The following SMC4 variants were observed in gnomAD, a reference collection of about 807,000 sequenced individuals.
SMC4 encodes structural maintenance of chromosomes 4, also known as structural maintenance of chromosomes protein 4.
SMC4 carries 87 observed loss-of-function variants against 145.6 expected under a neutral mutation model. That is an observed-to-expected ratio of 0.60 (90% confidence interval 0.50 to 0.71). SMC4 has a LOEUF of 0.71. SMC4 is among the 30% of genes least tolerant of loss of function. The probability of loss-of-function intolerance (pLI) is 0.00; values close to 1 mark genes in which losing one functional copy is unlikely to be tolerated. For missense variants in SMC4, 1,447 were observed against 1,537.1 expected, an observed-to-expected ratio of 0.94 and a Z score of 0.98; for synonymous variants, 558 against 500.7, an observed-to-expected ratio of 1.11 and a Z score of -1.53.
At chr3:160,416,596 T>G (rs2108476191) in intron 10 of SMC4, 181 bp downstream of exon 10, 1 of 368,542 alleles carries the variant, frequency 2.7e-6, no homozygotes, top group East Asian at 4.1e-5. Flanking sequence ...TGACATGTTT[T>G]TTAAAAAGTT....
chr3:160,431,403 C>A (rs1718391052), intron 20 of SMC4, among the ~76,000 whole-genome samples, 198 bp downstream of exon 20: 1 of 151,958 alleles, frequency 6.6e-6, no homozygotes, highest in Non-Finnish European at 1.5e-5. Flanking sequence ...GTCTGAGTAA[C>A]GATTAGAATT....
chr3:160,425,467 A>G (rs1048491968), intron 16 of SMC4, among the ~76,000 whole-genome samples: 1 of 152,166 alleles, frequency 6.6e-6, no homozygotes, highest in Non-Finnish European at 1.5e-5. Flanking sequence ...TGTGGTAGAT[A>G]TGTGTAGATA....
At chr3:160,430,811 T>A in intron 19 of SMC4, 68 bp downstream of exon 19, 1 of 1,514,584 alleles carries the variant, frequency 6.6e-7, no homozygotes, top group Non-Finnish European at 8.9e-7. Flanking sequence ...GCTGGATATA[T>A]GACAGTGCCT....
At chr3:160,425,137 G>A (rs2108493858) in intron 16 of SMC4, 118 bp downstream of exon 16, 1 of 1,362,330 alleles carries the variant, frequency 7.3e-7, no homozygotes. Context: ...AAGGGAGGGA[G>A]GATCTATAGG....
chr3:160,418,491 G>A (rs1357643140), intron 11 of SMC4, among the ~76,000 whole-genome samples: 1 of 151,998 alleles, frequency 6.6e-6, no homozygotes, highest in African/African-American at 2.4e-5. Context: ...AGTAGGCAAG[G>A]TGGCAATAAA....
chr3:160,420,712 C>T, intron 12 of SMC4, 28 bp from the exon 13 acceptor site: 4 of 1,603,894 alleles, frequency 2.5e-6, no homozygotes, highest in African/African-American at 1.3e-5. Context: ...CTGCCTAACT[C>T]TTTTTTCACC....
Position 160,401,961 on chromosome 3 carries a change from G to A in SMC4, c.186G>A (p.Leu62=), listed in dbSNP as rs1451645255. The A allele has an allele frequency of 3.1e-6, 5 of 1,600,012 alleles. No homozygotes were observed. The highest frequency in any genetic ancestry group is 1.7e-4 in the Middle Eastern group (1 of 5,972). ...ELDNRSLEEI[L]NSIPPPPPPA... ...ATAATAGAAGTTTAGAAGAGATTTT[G>A]AACAGCATTCCTCCTCCCCCGCCTC... is the stretch of plus-strand genomic sequence containing the variant. Residue 62 remains leucine, a synonymous_variant, in exon 3 of 24, where the codon TTG becomes TTA. Coordinates refer to ENST00000357388, the MANE Select transcript of SMC4 (RefSeq NM_001002800.3).
rs1339473752 is a variant in SMC4 at position 160,413,465 on chromosome 3, C to G, written c.981-8C>G. On this transcript the variant is annotated splice_polypyrimidine_tract_variant and splice_region_variant and intron_variant, in intron 7 of 23. Transcript: ENST00000357388. ...TTCAATTTCTTTTTTTTTTTTTCCT[C>G]CCTATAGTTATGAGTTGCAGAAACG... 1 of 1,557,924 alleles carries G rather than the reference C, an allele frequency of 6.4e-7. No individual in the cohort carries two copies. Among genetic ancestry groups the G allele is most frequent in the Non-Finnish European group, 8.6e-7 (1 of 1,161,698 alleles).
rs1718321117 is a variant in SMC4 at position 160,430,797 on chromosome 3, A to C, written c.2940+54A>C. On this transcript the variant is annotated intron_variant, in intron 19 of 23. Coordinates refer to ENST00000357388, the MANE Select transcript of SMC4 (RefSeq NM_001002800.3). Reference sequence around the variant, plus strand: ...ATGGGATGATACTGGAACCAATTTAAAGAGCTGGATATATGACAGTGCCTA... The same window carrying C: ...ATGGGATGATACTGGAACCAATTTACAGAGCTGGATATATGACAGTGCCTA... 3.2e-6 allele frequency: 5 copies of C among 1,559,398 alleles called. No homozygotes were observed. The African/African-American group carries it at 6.9e-5, about 21-fold the overall frequency.
chr3:160,410,553 C>T (rs1353853774), intron 5 of SMC4, among the ~76,000 whole-genome samples: 3 of 152,180 alleles, frequency 2.0e-5, no homozygotes, highest in Non-Finnish European at 2.9e-5. Context: ...TATACCGATT[C>T]ATACATAATA....
At chr3:160,420,085 T>G (rs532454385) in intron 12 of SMC4, among the ~76,000 whole-genome samples, 1 of 152,166 alleles carries the variant, frequency 6.6e-6, no homozygotes, top group Non-Finnish European at 1.5e-5. Context: ...GCTTCTTAGC[T>G]TCGAGGGAAG....
rs758823056 is a variant in SMC4, at chr3:160,400,834, G to A, written c.8G>A (p.Arg3His). Residue 3 changes from arginine (R) to histidine (H), a missense_variant, in exon 2 of 24, where the codon CGT becomes CAT. Arg to His is a conservative substitution (Grantham distance 29, BLOSUM62 0). Transcript: ENST00000357388. Reference protein sequence around the residue: MPRKGTQPSTARR... With the variant: MPHKGTQPSTARR... ...CCCCCGGCCCCAGCGACCATGCCCCGTAAAGGCACCCAGCCCTCCACTGCC... is the reference window on the plus strand; with the variant it reads ...CCCCCGGCCCCAGCGACCATGCCCCATAAAGGCACCCAGCCCTCCACTGCC... 5.9e-6 allele frequency: 9 copies of A among 1,536,858 alleles called. 1 individual carries two copies. The highest frequency in any genetic ancestry group is 3.7e-4 in the Middle Eastern group (2 of 5,452).
intron 5 of SMC4, among the ~76,000 whole-genome samples, chr3:160,406,528 T>G (rs904000722): frequency 2.0e-5 from 3 of 152,082 alleles, no homozygotes; most frequent in African/African-American, 7.2e-5. Flanking sequence ...TAAAAACTGA[T>G]TTGGGAGGCT....
chr3:160,413,293 G>T (rs1716221275), intron 7 of SMC4, among the ~76,000 whole-genome samples, 180 bp from the exon 8 acceptor site: 1 of 151,904 alleles, frequency 6.6e-6, no homozygotes, highest in Non-Finnish European at 1.5e-5. Context: ...CAATGAAATC[G>T]ATTTTTGTTC....
rs772214772 is a variant in SMC4 at position 160,404,477 on chromosome 3, G to C, written c.660G>C (p.Leu220Phe). Residue 220 changes from leucine (L) to phenylalanine (F), a missense_variant, in exon 5 of 24, where the codon TTG becomes TTC. Physicochemically the swap from Leu to Phe is conservative, Grantham distance 22. Coordinates refer to ENST00000357388, the MANE Select transcript of SMC4 (RefSeq NM_001002800.3). The part of the protein sequence containing the change: ...GNLLRSHGID[L>F]DHNRFLILQG... ...TTCTTCGAAGCCATGGAATTGACTT[G>C]GACCATAATAGATTTTTAATTTTAC... 12 of 1,604,522 alleles carry C rather than the reference G, an allele frequency of 7.5e-6. No homozygotes were observed. The African/African-American group carries it at 1.2e-4, about 16-fold the overall frequency.
Position 160,434,793 on chromosome 3 carries a change from T to C in SMC4, c.*984T>C, listed in dbSNP as rs1718811556. 1 of 152,194 alleles carries C rather than the reference T, an allele frequency of 6.6e-6. No individual in the cohort carries two copies. The highest frequency in any genetic ancestry group is 2.1e-4 in the South Asian group (1 of 4,836). 9.4% of individuals were successfully genotyped at this position (152,194 alleles called of 1,614,324 possible). ...CTGCCCTAGCTGTTAAATTTCTGGGTATTTATCCTAAGGAATTAATTAAAG... is the reference window on the plus strand; with the variant it reads ...CTGCCCTAGCTGTTAAATTTCTGGGCATTTATCCTAAGGAATTAATTAAAG... On this transcript the variant is annotated 3_prime_UTR_variant, in exon 24 of 24. Transcript: ENST00000357388.
At chr3:160,431,903 T>G in intron 21 of SMC4, 78 bp downstream of exon 21, 1 of 1,434,084 alleles carries the variant, frequency 7.0e-7, no homozygotes, top group South Asian at 1.3e-5. Context: ...TAGTTTTGTA[T>G]AATTAACAAT....
intron 1 of SMC4, 168 bp from the exon 2 acceptor site, chr3:160,400,654 T>C: frequency 1.3e-6 from 1 of 799,724 alleles, no homozygotes; most frequent in African/African-American, 1.8e-5. Context: ...AGTCCTGCCT[T>C]CTTGCCACTC....
intron 5 of SMC4, among the ~76,000 whole-genome samples, chr3:160,409,457 T>G (rs1715744411): frequency 6.6e-6 from 1 of 152,262 alleles, no homozygotes; most frequent in Non-Finnish European, 1.5e-5. Flanking sequence ...CATTGTTATT[T>G]ACCCAAAGCT....
Sources: gnomAD v4.1 joint callset for allele counts (sites outside exome capture counted in the v4.1 genomes callset) on GRCh38, gnomAD v4.1.1 for gene constraint, MANE v1.5 for transcripts, NCBI Gene and HGNC (gene_info 2026-07-23, HGNC 2026-07-21) for gene names.